Variants in RASGEF1C observed in about 807,000 individuals in gnomAD.
RASGEF1C encodes ras-GEF domain-containing family member 1C.
In RASGEF1C, 27 loss-of-function variants were observed where a neutral mutation model predicts 58.1. The ratio of observed to expected loss-of-function variants is 0.46; its 90% confidence interval spans 0.34 to 0.64. The LOEUF is 0.64. RASGEF1C is among the 30% of genes least tolerant of loss of function. The pLI is 0.01. For missense variants in RASGEF1C, 502 were observed against 605.1 expected (o/e 0.83, Z 1.79); for synonymous variants, 243 against 246.3 (o/e 0.99, Z 0.13).
chr5:180,173,161 A>G (rs552748745), intron 1 of RASGEF1C, among the ~76,000 whole-genome samples: 1 of 152,250 alleles, frequency 6.6e-6, no homozygotes, highest in Admixed American at 6.5e-5. Context: ...TACTGGCCTT[A>G]TTTACACACT....
chr5:180,122,835 G>A (rs1766199029), intron 6 of RASGEF1C, among the ~76,000 whole-genome samples: 1 of 151,394 alleles, frequency 6.6e-6, no homozygotes, highest in Non-Finnish European at 1.5e-5. Context: ...GGGGAAGATG[G>A]AATGGGGGAC....
chr5:180,130,941 T>C (rs1766356084), intron 4 of RASGEF1C, among the ~76,000 whole-genome samples: 1 of 152,056 alleles, frequency 6.6e-6, no homozygotes, highest in South Asian at 2.1e-4. Flanking sequence ...GGATAGCGCG[T>C]CGGCCACCAG....
In RASGEF1C at chr5:180,137,422, T is replaced by C. The variant is rs1766500959; in HGVS notation, c.300+168A>G. On this transcript the variant is annotated intron_variant, in intron 3 of 13. Transcript: ENST00000361132. The surrounding 1 kb of genome is among the most constrained non-coding windows in gnomAD (Gnocchi z 4.1). Reference sequence around the variant, plus strand: ...AAAACTACATGGAGGTTAAAGGTCCTGTTCTGCTCCTTCTGGCTCTGGGCC... The same window carrying C: ...AAAACTACATGGAGGTTAAAGGTCCCGTTCTGCTCCTTCTGGCTCTGGGCC... 6.6e-6 allele frequency among the ~76,000 whole-genome samples: 1 copy of C among 152,164 alleles called. No homozygotes were observed. The highest frequency in any genetic ancestry group is 1.5e-5 in the Non-Finnish European group (1 of 68,018).
chr5:180,123,423 T>C (rs1221222800), intron 6 of RASGEF1C, among the ~76,000 whole-genome samples: 2 of 152,234 alleles, frequency 1.3e-5, no homozygotes, highest in African/African-American at 4.8e-5. Flanking sequence ...TGAACTTAAC[T>C]ACTTGAGAAT....
chr5:180,202,432 G>C (rs1409352050), intron 1 of RASGEF1C, among the ~76,000 whole-genome samples: 1 of 152,002 alleles, frequency 6.6e-6, no homozygotes, highest in East Asian at 1.9e-4. Context: ...ATTTCCAAGA[G>C]AATGCCTAGT....
At chr5:180,142,370 G>A (rs761839586) in intron 1 of RASGEF1C, among the ~76,000 whole-genome samples, 3 of 152,162 alleles carry the variant, frequency 2.0e-5, no homozygotes, top group Admixed American at 6.5e-5. Context: ...GGTGGTATGC[G>A]TTGTCATGGT....
At chr5:180,170,563 C>A (rs1414081142) in intron 1 of RASGEF1C, among the ~76,000 whole-genome samples, 2 of 151,902 alleles carry the variant, frequency 1.3e-5, no homozygotes, top group Non-Finnish European at 2.9e-5. Context: ...CCCCGCGGAG[C>A]CCCCGCCCTG....
chr5:180,163,855 T>A (rs969210147), intron 1 of RASGEF1C, among the ~76,000 whole-genome samples: 128 of 152,296 alleles, frequency 8.4e-4, no homozygotes, highest in African/African-American at 3.0e-3. Context: ...CAGTAAACCA[T>A]CTCTTCCTGG....
At chr5:180,191,655 C>A (rs1157829888) in intron 1 of RASGEF1C, among the ~76,000 whole-genome samples, 2 of 152,240 alleles carry the variant, frequency 1.3e-5, no homozygotes, top group East Asian at 3.8e-4. Context: ...CGCGCCCGGC[C>A]ACAGTGGCTT....
rs375530226 is a variant in RASGEF1C at position 180,137,844 on chromosome 5, C to G, written c.177+32G>C. On this transcript the variant is annotated intron_variant, in intron 2 of 13. Transcript: ENST00000361132. This position sits in a 1 kb window ranked among gnomAD's most constrained non-coding sequence, Gnocchi z 4.1. ...CCCCCCGTGCGTGGTGGAGGAGAGC[C>G]CACTCTCCTGCCCGCTGGGTGGATC... 3 of 1,605,974 alleles carry G rather than the reference C, an allele frequency of 1.9e-6. No individual in the cohort carries two copies. The highest frequency in any genetic ancestry group is 2.5e-6 in the Non-Finnish European group (3 of 1,176,502).
Position 180,137,784 on chromosome 5 carries a change from T to C in RASGEF1C, c.178-72A>G. ...GAGGGGCATGCTTCCCAGCTGGCCC[T>C]GTACCCTGGCCCAAGGTCACGCCCA... On this transcript the variant is annotated intron_variant, in intron 2 of 13. Transcript: ENST00000361132. The surrounding 1 kb of genome is among the most constrained non-coding windows in gnomAD (Gnocchi z 4.1). The C allele has an allele frequency of 5.0e-6, 8 of 1,605,690 alleles. No individual in the cohort carries two copies. The highest frequency in any genetic ancestry group is 6.8e-6 in the Non-Finnish European group (8 of 1,176,108).
At chr5:180,170,671 C>T (rs1415109508) in intron 1 of RASGEF1C, among the ~76,000 whole-genome samples, 1 of 152,190 alleles carries the variant, frequency 6.6e-6, no homozygotes, top group Non-Finnish European at 1.5e-5. Flanking sequence ...ACGAGCCACA[C>T]CTGGCCCCCC....
intron 12 of RASGEF1C, among the ~76,000 whole-genome samples, chr5:180,102,981 A>G (rs116555710): frequency 4.3e-4 from 66 of 152,342 alleles, no homozygotes; most frequent in African/African-American, 1.6e-3. Flanking sequence ...CTGTACTTAA[A>G]TTCTGGGAGG....
intron 1 of RASGEF1C, among the ~76,000 whole-genome samples, chr5:180,190,346 C>A (rs181116412): frequency 2.6e-5 from 4 of 151,626 alleles, no homozygotes; most frequent in Non-Finnish European, 4.4e-5. Flanking sequence ...AAAAATTAGC[C>A]GGGCGTGGTG....
At chr5:180,102,193 C>T (rs1192653306) in intron 12 of RASGEF1C, 50 bp from the exon 13 acceptor site, 1 of 1,110,726 alleles carries the variant, frequency 9.0e-7, no homozygotes, top group East Asian at 2.3e-5. Context: ...ATGATAATAA[C>T]CTGTTCTACA....
intron 1 of RASGEF1C, among the ~76,000 whole-genome samples, chr5:180,173,805 A>G (rs562675417): frequency 1.3e-5 from 2 of 151,756 alleles, no homozygotes; most frequent in East Asian, 2.0e-4. Context: ...CCCAGCTGCT[A>G]GGGAGGCTGA....
intron 1 of RASGEF1C, among the ~76,000 whole-genome samples, chr5:180,171,953 C>G (rs1265801448): frequency 1.3e-5 from 2 of 152,056 alleles, no homozygotes; most frequent in African/African-American, 4.8e-5. Flanking sequence ...AGTGGGCTCA[C>G]GAGACCCATG....
chr5:180,177,409 T>C lies in RASGEF1C; in HGVS notation c.-7+31619A>G, dbSNP rs1162787413. 6.6e-6 allele frequency among the ~76,000 whole-genome samples: 1 copy of C among 152,194 alleles called. No individual in the cohort carries two copies. The highest frequency in any genetic ancestry group is 1.5e-5 in the Non-Finnish European group (1 of 68,036). On this transcript the variant is annotated intron_variant, in intron 1 of 13. Coordinates refer to ENST00000361132, the MANE Select transcript of RASGEF1C (RefSeq NM_175062.4). The surrounding 1 kb of genome is among the most constrained non-coding windows in gnomAD (Gnocchi z 5.0). The stretch of plus-strand genomic sequence containing the variant: ...AGCAGCCCCAGCAAAAGCTCTTCGG[T>C]GAGTGCCTGCGCAATCTGCCCGGCT...
intron 1 of RASGEF1C, among the ~76,000 whole-genome samples, chr5:180,186,333 T>C (rs898467820): frequency 6.6e-6 from 1 of 152,054 alleles, no homozygotes; most frequent in African/African-American, 2.4e-5. Flanking sequence ...TTCAGCAAAG[T>C]TGCAGGATAC....
Sources: allele counts gnomAD v4.1 joint callset (sites outside exome capture counted in the v4.1 genomes callset), GRCh38; gene constraint gnomAD v4.1.1; non-coding constraint Gnocchi (gnomAD v3.1); transcripts MANE v1.5; gene names NCBI Gene and HGNC (gene_info 2026-07-23, HGNC 2026-07-21).